The following EMILIN2 variants were observed in gnomAD, a reference collection of about 807,000 sequenced individuals.
EMILIN2 encodes the protein elastin microfibril interfacer 2.
Under a neutral mutation model 87.1 loss-of-function variants are expected in EMILIN2, and 71 were observed. That is an observed-to-expected ratio of 0.82 (90% CI 0.67 to 0.99). The LOEUF is 0.99. Among genes scored for constraint, EMILIN2 ranks in the 50% least tolerant of loss-of-function variants. The pLI is 0.00. For missense variants in EMILIN2, 1,407 were observed against 1,371.8 expected (o/e 1.03, Z -0.40); for synonymous variants, 581 against 563.4 (o/e 1.03, Z -0.44).
chr18:2,878,580 C>T (rs1269782744), intron 2 of EMILIN2, among the ~76,000 whole-genome samples: 1 of 152,108 alleles, frequency 6.6e-6, no homozygotes, highest in Non-Finnish European at 1.5e-5. Context: ...CTGGAATGAA[C>T]TGCTCTGTGG....
chr18:2,884,396 C>T (rs908755690), intron 2 of EMILIN2, among the ~76,000 whole-genome samples: 2 of 146,476 alleles, frequency 1.4e-5, no homozygotes, highest in African/African-American at 5.0e-5. Flanking sequence ...CAGGCATGCG[C>T]CACAACACCT....
rs561609994 is a variant in EMILIN2, at chr18:2,853,787, C to T, written c.257+5856C>T. 7.7e-4 allele frequency among the ~76,000 whole-genome samples: 117 copies of T among 152,304 alleles called. 1 individual carries two copies. The highest frequency in any genetic ancestry group is 2.7e-3 in the African/African-American group (112 of 41,576). ...CTGAGGGTGCATGTGTGATGCCTAC[C>T]GCAGCGGGTGCTGCATTGCCAGCCT... On this transcript the variant is annotated intron_variant, in intron 2 of 7. Transcript: ENST00000254528.
At position 2,880,502 on chromosome 18, in the gene EMILIN2, A is replaced by G. The variant is rs2076771630; in HGVS notation, c.258-4462A>G. 6.6e-6 allele frequency among the ~76,000 whole-genome samples: 1 copy of G among 152,216 alleles called. No individual in the cohort carries two copies. On this transcript the variant is annotated intron_variant, in intron 2 of 7. Coordinates refer to ENST00000254528, the MANE Select transcript of EMILIN2 (RefSeq NM_032048.3). The surrounding 1 kb of genome is among the most constrained non-coding windows in gnomAD (Gnocchi z 4.1). ...ACAGCCCCAAGGGCCGCCCCCGCCC[A>G]TACCCAAGGCACCTGTGGACGGGGC...
chr18:2,860,465 C>A (rs2076655132), intron 2 of EMILIN2, among the ~76,000 whole-genome samples: 2 of 152,150 alleles, frequency 1.3e-5, no homozygotes, highest in Admixed American at 1.3e-4. Context: ...TCAATTCCCA[C>A]CTGTGAGTGA....
chr18:2,874,918 G>A (rs1024874965), intron 2 of EMILIN2, among the ~76,000 whole-genome samples: 1 of 152,258 alleles, frequency 6.6e-6, no homozygotes, highest in Non-Finnish European at 1.5e-5. Context: ...GTCAGCATCT[G>A]TGGCCTTCAC....
Position 2,913,300 on chromosome 18 carries a change from G to C in EMILIN2, c.3058G>C (p.Val1020Leu), listed in dbSNP as rs1320494323. The change falls in exon 8 of 8, where the codon GTC becomes CTC. Residue 1020 changes from valine (V) to leucine (L), a missense_variant. Val to Leu is a conservative substitution (Grantham distance 32, BLOSUM62 1). Coordinates refer to ENST00000254528, the MANE Select transcript of EMILIN2 (RefSeq NM_032048.3). ...CGTGCACCTGAAGGCGGGAGATGCAGTCAACGTCGTGGTGACTGGGGGCAA... is the reference window on the plus strand; with the variant it reads ...CGTGCACCTGAAGGCGGGAGATGCACTCAACGTCGTGGTGACTGGGGGCAA... ...LIVHLKAGDA[V>L]NVVVTGGKLA... is the part of the protein sequence containing the mutation. 2 of 1,613,268 alleles carry C rather than the reference G, an allele frequency of 1.2e-6. No individual in the cohort carries two copies.
intron 2 of EMILIN2, among the ~76,000 whole-genome samples, chr18:2,865,210 C>G (rs1037622183): frequency 3.9e-5 from 6 of 152,228 alleles, no homozygotes; most frequent in Admixed American, 1.3e-4. Context: ...GCCTTCTTCT[C>G]TCAACTTGTC....
chr18:2,906,752 CGT>C (rs998088865), intron 4 of EMILIN2, 29 bp from the exon 5 acceptor site: 8 of 1,262,878 alleles, frequency 6.3e-6, no homozygotes, highest in East Asian at 3.2e-5. Context: ...TTCCTAATCC[CGT>C]GTGTTTCTTT....
At position 2,909,761 on chromosome 18, in the gene EMILIN2, C is replaced by T. The variant is rs756628045; in HGVS notation, c.2766C>T (p.Gly922=). Residue 922 remains glycine, a synonymous_variant, in exon 7 of 8, where the codon GGC becomes GGT. Transcript: ENST00000254528. Reference sequence around the variant, plus strand: ...AGAAGCCTTTCCCCAGTGATGGGGGCGTTGTCCTCTTTAACAAAGTGCTGG... The same window carrying T: ...AGAAGCCTTTCCCCAGTGATGGGGGTGTTGTCCTCTTTAACAAAGTGCTGG... ...LTQKPFPSDG[G]VVLFNKVLVN... 19 of 1,612,728 alleles carry T rather than the reference C, an allele frequency of 1.2e-5. No individual in the cohort carries two copies. The highest frequency in any genetic ancestry group is 4.5e-5 in the East Asian group (2 of 44,842).
At chr18:2,858,043 G>T (rs747342498) in intron 2 of EMILIN2, among the ~76,000 whole-genome samples, 18 of 152,124 alleles carry the variant, frequency 1.2e-4, no homozygotes, top group Non-Finnish European at 2.2e-4. Flanking sequence ...CAGAAATGCC[G>T]CTGTATCTCG....
chr18:2,877,436 GTTTT>G lies in EMILIN2; in HGVS notation c.258-7513_258-7510del, dbSNP rs33950110. The stretch of plus-strand genomic sequence containing the variant: ...CTTATTTTTTATTCATTGACTGACA[GTTTT>G]TTTTTTTTTTTTTTACAAACAAAAC... On this transcript the variant is annotated intron_variant, in intron 2 of 7. Transcript: ENST00000254528. Among the ~76,000 whole-genome samples the G allele has an allele frequency of 6.3e-3, 864 of 136,476 alleles. 8 individuals carry two copies. Among genetic ancestry groups the G allele is most frequent in the African/African-American group, 0.021 (787 of 37,102 alleles). The allele number at this position is 136,476 out of a possible 152,430, so 89.5% of individuals were successfully genotyped here. A position where few individuals can be genotyped will look rare whatever the true frequency, so the allele number is the denominator to read the frequency against.
chr18:2,876,746 A>G lies in EMILIN2; in HGVS notation c.258-8218A>G, dbSNP rs780861192. 4.6e-4 allele frequency among the ~76,000 whole-genome samples: 70 copies of G among 152,258 alleles called. 1 individual carries two copies. Among genetic ancestry groups the G allele is most frequent in the Non-Finnish European group, 7.9e-4 (54 of 68,030 alleles). On this transcript the variant is annotated intron_variant, in intron 2 of 7. Coordinates refer to ENST00000254528, the MANE Select transcript of EMILIN2 (RefSeq NM_032048.3). The stretch of plus-strand genomic sequence containing the variant: ...GTGCCACTGCACTCCAGCCTGGGAG[A>G]CAGAGTGAGACTCTGTCTCAAAAAA...
intron 2 of EMILIN2, among the ~76,000 whole-genome samples, chr18:2,855,523 C>T (rs977945988): frequency 6.6e-6 from 1 of 152,228 alleles, no homozygotes; most frequent in African/African-American, 2.4e-5. Flanking sequence ...TGGTCTTCCT[C>T]TGTTGATGTG....
At chr18:2,906,525 A>G (rs1026607306) in intron 4 of EMILIN2, 9 of 342,788 alleles carry the variant, frequency 2.6e-5, no homozygotes, top group Non-Finnish European at 3.7e-5. Flanking sequence ...CGGTTTGGAA[A>G]GTGCAGCCGT....
rs1417035761 is a variant in EMILIN2, at chr18:2,858,578, T to C, written c.257+10647T>C. On this transcript the variant is annotated intron_variant, in intron 2 of 7. Coordinates refer to ENST00000254528, the MANE Select transcript of EMILIN2 (RefSeq NM_032048.3). ...ATATATATATATATATATGTGTGTGTGTGTGTATATATATATATATATATG... is the reference window on the plus strand; with the variant it reads ...ATATATATATATATATATGTGTGTGCGTGTGTATATATATATATATATATG... Among the ~76,000 whole-genome samples, 12 of 85,618 alleles carry C rather than the reference T, an allele frequency of 1.4e-4. 1 individual carries two copies. The highest frequency in any genetic ancestry group is 4.2e-4 in the South Asian group (1 of 2,392). 56.2% of individuals were successfully genotyped at this position (85,618 alleles called of 152,430 possible).
Position 2,913,584 on chromosome 18 carries a change from G to C in EMILIN2, c.*180G>C. 1.7e-6 allele frequency: 1 copy of C among 580,450 alleles called. No individual in the cohort carries two copies. Among genetic ancestry groups the C allele is most frequent in the South Asian group, 2.3e-5 (1 of 44,434 alleles). 36.0% of individuals were successfully genotyped at this position (580,450 alleles called of 1,614,324 possible). ...ACTGCATCCAGCCAGGCTGCAGGGA[G>C]TGAGGCACACGGTGAACATGGCCAC... On this transcript the variant is annotated 3_prime_UTR_variant, in exon 8 of 8. Transcript: ENST00000254528.
intron 3 of EMILIN2, among the ~76,000 whole-genome samples, chr18:2,889,133 C>CTTTTCTTTTTTTTTTTTTTTTTTT (rs2076819032): frequency 1.2e-5 from 1 of 84,356 alleles, no homozygotes; most frequent in African/African-American, 4.9e-5. Context: ...TCTTTCTTTT[C>CTTTTCTTTTTTTTTTTTTTTTTTT]TTTTTTTTTT....
chr18:2,847,996 G>A lies in EMILIN2; in HGVS notation c.257+65G>A, dbSNP rs1598482049. On this transcript the variant is annotated intron_variant, in intron 2 of 7. Coordinates refer to ENST00000254528, the MANE Select transcript of EMILIN2 (RefSeq NM_032048.3). This position sits in a 1 kb window ranked among gnomAD's most constrained non-coding sequence, Gnocchi z 4.5. ...GCCGGGGCGGTGGGGGTGGGGTGGG[G>A]TTGCTGCGCTGGGCTCCAGTCCCTC... 1 of 1,489,190 alleles carries A rather than the reference G, an allele frequency of 6.7e-7. No individual in the cohort carries two copies. The highest frequency in any genetic ancestry group is 8.9e-7 in the Non-Finnish European group (1 of 1,118,366). 92.2% of individuals were successfully genotyped at this position (1,489,190 alleles called of 1,614,324 possible). A position where few individuals can be genotyped will look rare whatever the true frequency, so the allele number is the denominator to read the frequency against.
intron 5 of EMILIN2, among the ~76,000 whole-genome samples, chr18:2,908,721 C>T (rs544004493): frequency 6.6e-5 from 10 of 152,266 alleles, no homozygotes; most frequent in Admixed American, 3.9e-4. Flanking sequence ...CCCTCTTCCC[C>T]GCCAGGGATA....
Sources: allele counts gnomAD v4.1 joint callset (sites outside exome capture counted in the v4.1 genomes callset), GRCh38; gene constraint gnomAD v4.1.1; non-coding constraint Gnocchi (gnomAD v3.1); transcripts MANE v1.5; gene names NCBI Gene and HGNC (gene_info 2026-07-23, HGNC 2026-07-21).